Variants in OR2T1 observed in about 807,000 individuals in gnomAD.
The protein encoded by OR2T1 is olfactory receptor 2T1.
For missense variants in OR2T1, 440 were observed against 390.2 expected (o/e 1.13, Z -1.07); for synonymous variants, 186 against 145.4 (o/e 1.28, Z -2.01).
At position 248,406,780 on chromosome 1, in the gene OR2T1, T is replaced by C. The variant is rs1661571021; in HGVS notation, c.633T>C (p.Ser211=). ...CCVLMLLIPF[S]VVLASYARIL... Reference sequence around the variant, plus strand: ...TTTTGATGCTGCTGATTCCTTTCTCTGTAGTCCTTGCTTCCTATGCCCGAA... The same window carrying C: ...TTTTGATGCTGCTGATTCCTTTCTCCGTAGTCCTTGCTTCCTATGCCCGAA... Residue 211 remains serine, a synonymous_variant, in exon 2 of 2, where the codon TCT becomes TCC. Transcript: ENST00000642005. The C allele has an allele frequency of 6.2e-7, 1 of 1,614,186 alleles. No individual in the cohort carries two copies. The highest frequency in any genetic ancestry group is 2.2e-5 in the East Asian group (1 of 44,876).
chr1:248,406,085 C>G, intron 1 of OR2T1, 30 bp from the exon 2 acceptor site: 1 of 1,613,822 alleles, frequency 6.2e-7, no homozygotes, highest in Non-Finnish European at 8.5e-7. Flanking sequence ...TATTTTACTG[C>G]CCTGGGAATG....
rs778008045 is a variant in OR2T1 at position 248,406,384 on chromosome 1, G to T, written c.237G>T (p.Lys79Asn). ...DMMYISTIVP[K>N]MLVNYLLDQR... ...TGTATATTTCCACTATTGTGCCTAA[G>T]ATGCTGGTTAATTACCTGCTGGATC... The change falls in exon 2 of 2, where the codon AAG becomes AAT. Residue 79 changes from lysine to asparagine, a missense_variant. Physicochemically the swap from Lys to Asn is moderately conservative, Grantham distance 94. Transcript: ENST00000642005. 9 of 1,614,136 alleles carry T rather than the reference G, an allele frequency of 5.6e-6. No homozygotes were observed. The Admixed American group carries it at 1.2e-4, about 21-fold the overall frequency.
At position 248,403,091 on chromosome 1, in the gene OR2T1, A is replaced by C. The variant is rs1443291204; in HGVS notation, c.-188A>C. The C allele has an allele frequency of 1.3e-5, 2 of 152,156 alleles. No individual in the cohort carries two copies. Among genetic ancestry groups the C allele is most frequent in the Non-Finnish European group, 2.9e-5 (2 of 68,016 alleles). 9.4% of individuals were successfully genotyped at this position (152,156 alleles called of 1,614,324 possible). Reference sequence around the variant, plus strand: ...CTTCAAAGGCATTTAGATGTTCTGCAAGCTTAATTGAAATGCACAGTTTTT... The same window carrying C: ...CTTCAAAGGCATTTAGATGTTCTGCCAGCTTAATTGAAATGCACAGTTTTT... On this transcript the variant is annotated 5_prime_UTR_variant, in exon 1 of 2. Coordinates refer to ENST00000642005, the MANE Select transcript of OR2T1 (RefSeq NM_030904.2).
chr1:248,406,948 A>C lies in OR2T1; in HGVS notation c.801A>C (p.Pro267=). ...TYMLPHSYHK[P]AQDKVLSVFY... is the part of the protein sequence containing the mutation. ...TGCTGCCACATTCTTACCACAAGCC[A>C]GCCCAGGACAAAGTCCTCTCTGTGT... is the stretch of plus-strand genomic sequence containing the variant. Residue 267 remains proline (P), a synonymous_variant, in exon 2 of 2, where the codon CCA becomes CCC. Coordinates refer to ENST00000642005, the MANE Select transcript of OR2T1 (RefSeq NM_030904.2). The C allele has an allele frequency of 6.2e-7, 1 of 1,614,138 alleles. No individual in the cohort carries two copies. The highest frequency in any genetic ancestry group is 1.1e-5 in the South Asian group (1 of 91,088).
In OR2T1 at chr1:248,406,130, G is replaced by C. The variant is rs193920936; in HGVS notation, c.-18G>C. ...TATTTGGAAGATATTACCTTATATC[G>C]GCACAACTGTAGGATCAATGGAAGA... On this transcript the variant is annotated 5_prime_UTR_variant, in exon 2 of 2. Coordinates refer to ENST00000642005, the MANE Select transcript of OR2T1 (RefSeq NM_030904.2). The C allele has an allele frequency of 2.5e-6, 4 of 1,613,580 alleles. No individual in the cohort carries two copies. The African/African-American group carries it at 5.4e-5, about 22-fold the overall frequency.
chr1:248,406,163 A>T lies in OR2T1; in HGVS notation c.16A>T (p.Thr6Ser). 1 of 1,613,982 alleles carries T rather than the reference A, an allele frequency of 6.2e-7. No homozygotes were observed. The highest frequency in any genetic ancestry group is 1.1e-5 in the South Asian group (1 of 91,082). Reference sequence around the variant, plus strand: ...TGTAGGATCAATGGAAGAGTACAACACATCCTCTACAGACTTCACTTTCAT... The same window carrying T: ...TGTAGGATCAATGGAAGAGTACAACTCATCCTCTACAGACTTCACTTTCAT... MEEYNTSSTDFTFMGL... is the reference protein window; with the variant it reads MEEYNSSSTDFTFMGL... Residue 6 changes from threonine to serine, a missense_variant, in exon 2 of 2, where the codon ACA (threonine) becomes TCA (serine). Transcript: ENST00000642005.
chr1:248,407,353 C>A lies in OR2T1; in HGVS notation c.*249C>A. 2.3e-6 allele frequency: 1 copy of A among 440,074 alleles called. No homozygotes were observed. The highest frequency in any genetic ancestry group is 4.0e-6 in the Non-Finnish European group (1 of 252,286). The allele number at this position is 440,074 out of a possible 1,614,324, so 27.3% of individuals were successfully genotyped here. On this transcript the variant is annotated 3_prime_UTR_variant, in exon 2 of 2. Coordinates refer to ENST00000642005, the MANE Select transcript of OR2T1 (RefSeq NM_030904.2). ...TGCTTCTTTTTCTCCCCAAAGAAAG[C>A]CTTAGAAACTAAAAATATAATCCAA...
At chr1:248,403,811 T>TA (rs1437943483) in intron 1 of OR2T1, among the ~76,000 whole-genome samples, 8 of 152,130 alleles carry the variant, frequency 5.3e-5, no homozygotes, top group Admixed American at 2.0e-4. Flanking sequence ...TGTTCTCTGA[T>TA]AAATTAGATC....
chr1:248,406,505 G>A lies in OR2T1; in HGVS notation c.358G>A (p.Asp120Asn), dbSNP rs1334159088. Reference protein sequence around the residue: ...EFFLLGLMAYDRYVAICNPLR... With the variant: ...EFFLLGLMAYNRYVAICNPLR... ...CTTCCTGCTGGGCCTCATGGCCTAT[G>A]ACCGCTATGTGGCCATTTGCAACCC... The change falls in exon 2 of 2, where the codon GAC becomes AAC. Residue 120 changes from aspartate (D) to asparagine (N), a missense_variant. Coordinates refer to ENST00000642005, the MANE Select transcript of OR2T1 (RefSeq NM_030904.2). 1.2e-6 allele frequency: 2 copies of A among 1,613,982 alleles called. 1 individual carries two copies. The highest frequency in any genetic ancestry group is 1.7e-6 in the Non-Finnish European group (2 of 1,180,008).
Position 248,406,115 on chromosome 1 carries a change from A to AT in OR2T1, c.-32dup. On this transcript the variant is annotated splice_region_variant and 5_prime_UTR_variant, in exon 2 of 2. Transcript: ENST00000642005. ...GGAATGCTATCATCTTATTTGGAAGATATTACCTTATATCGGCACAACTGT... is the reference window on the plus strand; with the variant it reads ...GGAATGCTATCATCTTATTTGGAAGATTATTACCTTATATCGGCACAACTGT... 6.2e-7 allele frequency: 1 copy of AT among 1,614,074 alleles called. No homozygotes were observed. Among genetic ancestry groups the AT allele is most frequent in the Non-Finnish European group, 8.5e-7 (1 of 1,179,970 alleles).
Position 248,407,128 on chromosome 1 carries a change from T to C in OR2T1, c.*24T>C. On this transcript the variant is annotated 3_prime_UTR_variant, in exon 2 of 2. Transcript: ENST00000642005. The stretch of plus-strand genomic sequence containing the variant: ...GACAGTCGACTCCTTCCCATGCATA[T>C]GGTAAATGGGGGACTCTGTGGTCAC... 3.2e-6 allele frequency: 5 copies of C among 1,541,680 alleles called. No individual in the cohort carries two copies. The highest frequency in any genetic ancestry group is 2.6e-6 in the Non-Finnish European group (3 of 1,145,710).
intron 1 of OR2T1, among the ~76,000 whole-genome samples, chr1:248,405,577 T>A (rs896465822): frequency 1.3e-5 from 2 of 152,156 alleles, no homozygotes; most frequent in African/African-American, 4.8e-5. Flanking sequence ...TCCCTTATAA[T>A]TTGTCTGGGA....
At position 248,408,014 on chromosome 1, in the gene OR2T1, A is replaced by G. The variant is rs1454947297; in HGVS notation, c.*910A>G. 1 of 152,294 alleles carries G rather than the reference A, an allele frequency of 6.6e-6. No homozygotes were observed. The highest frequency in any genetic ancestry group is 1.5e-5 in the Non-Finnish European group (1 of 68,082). 9.4% of individuals were successfully genotyped at this position (152,294 alleles called of 1,614,324 possible). A position where few individuals can be genotyped will look rare whatever the true frequency, so the allele number is the denominator to read the frequency against. On this transcript the variant is annotated 3_prime_UTR_variant, in exon 2 of 2. Transcript: ENST00000642005. ...TGGAAATGGAAGGCAGTGTTATGGG[A>G]CTGAGCCCTCACCCTGTGGGATCTG...
intron 1 of OR2T1, 98 bp from the exon 2 acceptor site, chr1:248,406,017 T>A (rs1553313179): frequency 1.9e-6 from 3 of 1,610,106 alleles, no homozygotes; most frequent in East Asian, 2.2e-5. Flanking sequence ...TACTATTTTT[T>A]AAATGTTTTC....
Position 248,406,609 on chromosome 1 carries a change from T to C in OR2T1, c.462T>C (p.Asp154=), listed in dbSNP as rs752557635. ...IAGSWFGGSL[D]GFLLTPITMS... is the part of the protein sequence containing the mutation. Reference sequence around the variant, plus strand: ...GTTCCTGGTTTGGGGGCTCTTTGGATGGCTTCCTCCTAACCCCCATCACCA... The same window carrying C: ...GTTCCTGGTTTGGGGGCTCTTTGGACGGCTTCCTCCTAACCCCCATCACCA... Residue 154 remains aspartate, a synonymous_variant, in exon 2 of 2, where the codon GAT becomes GAC. Coordinates refer to ENST00000642005, the MANE Select transcript of OR2T1 (RefSeq NM_030904.2). The C allele has an allele frequency of 6.2e-7, 1 of 1,614,178 alleles. No individual in the cohort carries two copies. Among genetic ancestry groups the C allele is most frequent in the East Asian group, 2.2e-5 (1 of 44,880 alleles).
intron 1 of OR2T1, among the ~76,000 whole-genome samples, chr1:248,403,602 G>T (rs7552972): frequency 0.2 from 30,576 of 151,974 alleles, 3,408 homozygotes; most frequent in East Asian, 0.43. Flanking sequence ...AGAAACAAAT[G>T]CCTATATAAA....
Position 248,407,059 on chromosome 1 carries a change from G to A in OR2T1, c.912G>A (p.Leu304=), listed in dbSNP as rs749079427. ...TGACTGGAGCTCTGAAGAGGGCCTT[G>A]GGGAGGTTCAAGGGTCCTCAAAGGG... is the stretch of plus-strand genomic sequence containing the variant. ...KDVTGALKRA[L]GRFKGPQRVS... Residue 304 remains leucine, a synonymous_variant, in exon 2 of 2, where the codon TTG becomes TTA. Coordinates refer to ENST00000642005, the MANE Select transcript of OR2T1 (RefSeq NM_030904.2). The A allele has an allele frequency of 3.1e-6, 5 of 1,612,404 alleles. No individual in the cohort carries two copies. In the East Asian group the frequency reaches 1.1e-4, roughly 36 times the overall value.
intron 1 of OR2T1, among the ~76,000 whole-genome samples, chr1:248,404,617 C>T (rs2103081707): frequency 6.8e-6 from 1 of 146,972 alleles, no homozygotes; most frequent in South Asian, 2.3e-4. Context: ...TATATCTGTA[C>T]ACATAGTTTA....
chr1:248,406,950 C>T lies in OR2T1; in HGVS notation c.803C>T (p.Ala268Val). The change falls in exon 2 of 2, where the codon GCC (alanine) becomes GTC (valine). Residue 268 changes from alanine to valine, a missense_variant. Ala to Val is a moderately conservative substitution (Grantham distance 64). Coordinates refer to ENST00000642005, the MANE Select transcript of OR2T1 (RefSeq NM_030904.2). The stretch of plus-strand genomic sequence containing the variant: ...CTGCCACATTCTTACCACAAGCCAG[C>T]CCAGGACAAAGTCCTCTCTGTGTTT... ...YMLPHSYHKP[A>V]QDKVLSVFYT... 6.2e-7 allele frequency: 1 copy of T among 1,614,108 alleles called. No homozygotes were observed. Among genetic ancestry groups the T allele is most frequent in the Non-Finnish European group, 8.5e-7 (1 of 1,179,986 alleles).
Sources: allele counts gnomAD v4.1 joint callset (sites outside exome capture counted in the v4.1 genomes callset), GRCh38; gene constraint gnomAD v4.1.1; transcripts MANE v1.5; gene names NCBI Gene and HGNC (gene_info 2026-07-23, HGNC 2026-07-21).